Variants in NTN1 observed in about 807,000 individuals in gnomAD.
NTN1 encodes the protein netrin 1, also known as netrin-1.
In NTN1, 11 loss-of-function variants were observed where a neutral mutation model predicts 54.2. The observed-to-expected ratio is 0.20, with a 90% CI of 0.13 to 0.34. The LOEUF (loss-of-function observed/expected upper bound fraction) is 0.34, where lower values mean the gene tolerates loss of function less well. Among genes scored for constraint, NTN1 ranks in the 10% least tolerant of loss-of-function variants. The pLI is 1.00. For synonymous variants in NTN1, 371 were observed against 382.0 expected, an observed-to-expected ratio of 0.97 and a Z score of 0.33; for missense variants, 740 against 893.1, an observed-to-expected ratio of 0.83 and a Z score of 2.18.
intron 2 of NTN1, among the ~76,000 whole-genome samples, chr17:9,024,091 G>C (rs1052902920): frequency 1.3e-5 from 2 of 152,080 alleles, no homozygotes; most frequent in Non-Finnish European, 2.9e-5. Context: ...TTTTTTATTA[G>C]CTTCAGGCTT....
At chr17:9,101,128 G>A (rs2092149119) in intron 2 of NTN1, among the ~76,000 whole-genome samples, 1 of 152,132 alleles carries the variant, frequency 6.6e-6, no homozygotes. Context: ...ATTTCATCTT[G>A]TAGTTATGTT....
intron 2 of NTN1, among the ~76,000 whole-genome samples, chr17:9,107,021 T>C (rs2092169822): frequency 6.6e-6 from 1 of 152,098 alleles, no homozygotes; most frequent in African/African-American, 2.4e-5. Flanking sequence ...GTACTCGTGG[T>C]CCCTCATCTA....
intron 3 of NTN1, among the ~76,000 whole-genome samples, chr17:9,169,780 G>A (rs1243253564): frequency 3.3e-5 from 5 of 152,234 alleles, no homozygotes; most frequent in South Asian, 2.1e-4. Context: ...CAGGAGAATC[G>A]CTTGAGCCTG....
chr17:9,204,289 T>TC (rs200698536), intron 5 of NTN1, among the ~76,000 whole-genome samples: 25,010 of 142,110 alleles, frequency 0.18, 2,664 homozygotes, highest in Non-Finnish European at 0.26. Context: ...TCTCTATCTC[T>TC]TTCTCTCTCT....
At chr17:9,127,362 G>A (rs183700923) in intron 2 of NTN1, among the ~76,000 whole-genome samples, 15 of 152,188 alleles carry the variant, frequency 9.9e-5, no homozygotes, top group Non-Finnish European at 1.6e-4. Flanking sequence ...TTGTGGGAGC[G>A]AAAAGAAGGA....
chr17:9,013,196 TTTTTTTC>T, the NTN1 span, among the ~76,000 whole-genome samples: 36 of 144,962 alleles, frequency 2.5e-4, no homozygotes, highest in African/African-American at 8.7e-4. Flanking sequence ...AGAAACACTC[TTTTTTTC>T]TTTTTTCTTT....
rs1255152269 is a variant in NTN1, at chr17:9,221,935, T to C, written c.1486+693T>C. Among the ~76,000 whole-genome samples the C allele has an allele frequency of 6.6e-6, 1 of 151,986 alleles. No individual in the cohort carries two copies. Among genetic ancestry groups the C allele is most frequent in the Non-Finnish European group, 1.5e-5 (1 of 67,952 alleles). On this transcript the variant is annotated intron_variant, in intron 6 of 6. Coordinates refer to ENST00000173229, the MANE Select transcript of NTN1 (RefSeq NM_004822.3). This position sits in a 1 kb window ranked among gnomAD's most constrained non-coding sequence, Gnocchi z 4.5. ...CCCCGCAGTGGCCAGCGGGCAGGTG[T>C]GTGTGAAGAGCTGGGGCTGGTGGCA...
chr17:9,117,533 C>T (rs1221936995), intron 2 of NTN1, among the ~76,000 whole-genome samples: 1 of 152,036 alleles, frequency 6.6e-6, no homozygotes, highest in Non-Finnish European at 1.5e-5. Flanking sequence ...ATCACAAGGT[C>T]AGGAGTTCGA....
chr17:9,054,912 A>T (rs980074547), intron 2 of NTN1, among the ~76,000 whole-genome samples: 5 of 152,118 alleles, frequency 3.3e-5, no homozygotes, highest in African/African-American at 1.2e-4. Flanking sequence ...TTTAGTTTTG[A>T]AGTTTCCTTA....
chr17:9,151,619 A>G (rs1181431894), intron 2 of NTN1, among the ~76,000 whole-genome samples: 1 of 152,180 alleles, frequency 6.6e-6, no homozygotes, highest in African/African-American at 2.4e-5. Flanking sequence ...TGGACCCTAA[A>G]AACTAAATGG....
the NTN1 span, among the ~76,000 whole-genome samples, chr17:9,008,884 TA>T: frequency 6.6e-6 from 1 of 152,072 alleles, no homozygotes; most frequent in Non-Finnish European, 1.5e-5. Flanking sequence ...CTACTAAAAA[TA>T]CAAAAATTAG....
chr17:9,071,795 T>C (rs1281510076), intron 2 of NTN1, among the ~76,000 whole-genome samples: 2 of 152,244 alleles, frequency 1.3e-5, no homozygotes, highest in Non-Finnish European at 1.5e-5. Flanking sequence ...GGCAAACATA[T>C]GTCTCCAAAG....
the NTN1 span, among the ~76,000 whole-genome samples, chr17:9,013,978 T>A: frequency 0.042 from 6,452 of 152,280 alleles, 211 homozygotes; most frequent in Admixed American, 0.09. Context: ...CACAGGCATT[T>A]TCACCCCTTC....
At chr17:9,075,520 T>A (rs1197208077) in intron 2 of NTN1, among the ~76,000 whole-genome samples, 1 of 151,702 alleles carries the variant, frequency 6.6e-6, no homozygotes, top group African/African-American at 2.4e-5. Context: ...AAAAAATAAA[T>A]AAAAAAAACT....
chr17:9,074,381 C>T (rs1291997680), intron 2 of NTN1, among the ~76,000 whole-genome samples: 1 of 152,200 alleles, frequency 6.6e-6, no homozygotes, highest in East Asian at 1.9e-4. Context: ...CCTGGCCAGC[C>T]TTCTCGAAAA....
chr17:9,204,246 TTCTCTC>T (rs370943781), intron 5 of NTN1, among the ~76,000 whole-genome samples: 1 of 147,536 alleles, frequency 6.8e-6, no homozygotes, highest in African/African-American at 2.5e-5. Flanking sequence ...CTTCCTCTGT[TTCTCTC>T]TCTCTCTCTC....
chr17:9,010,388 C>G, the NTN1 span, among the ~76,000 whole-genome samples: 1 of 152,182 alleles, frequency 6.6e-6, no homozygotes, highest in Non-Finnish European at 1.5e-5. Flanking sequence ...TTAATACAAA[C>G]AGCAAGCACT....
intron 2 of NTN1, among the ~76,000 whole-genome samples, chr17:9,120,999 G>T (rs577119455): frequency 6.6e-6 from 1 of 152,284 alleles, no homozygotes; most frequent in East Asian, 1.9e-4. Context: ...ATCAGGGACC[G>T]CAAGGATTAA....
chr17:9,123,750 G>T (rs1334021440), intron 2 of NTN1, among the ~76,000 whole-genome samples: 2 of 151,956 alleles, frequency 1.3e-5, no homozygotes, highest in Non-Finnish European at 2.9e-5. Flanking sequence ...CATTTTGGGG[G>T]TTCTCATTGT....
Sources: allele counts gnomAD v4.1 joint callset (sites outside exome capture counted in the v4.1 genomes callset), GRCh38; gene constraint gnomAD v4.1.1; non-coding constraint Gnocchi (gnomAD v3.1); transcripts MANE v1.5; gene names NCBI Gene and HGNC (gene_info 2026-07-23, HGNC 2026-07-21).